Variants in TMEM232 observed in about 807,000 individuals in gnomAD.
TMEM232 encodes the protein transmembrane protein 232.
In TMEM232, 80 loss-of-function variants were observed where a neutral mutation model predicts 78.8. The ratio of observed to expected loss-of-function variants is 1.01; its 90% CI spans 0.85 to 1.22. TMEM232 has a LOEUF of 1.22. TMEM232 is among the 50% of genes most tolerant of loss of function. The probability of loss-of-function intolerance (pLI) is 0.00; values close to 1 mark genes in which losing one functional copy is unlikely to be tolerated. For missense variants in TMEM232, 881 were observed against 742.2 expected (o/e 1.19, Z -2.17); for synonymous variants, 297 against 254.3 (o/e 1.17, Z -1.60).
chr5:110,734,091 T>G (rs183449763), intron 2 of TMEM232, among the ~76,000 whole-genome samples: 1 of 152,354 alleles, frequency 6.6e-6, no homozygotes, highest in African/African-American at 2.4e-5. Context: ...AAAATTCAAT[T>G]AAAATTCTGC....
chr5:110,568,794 A>G (rs1237521672), intron 10 of TMEM232, among the ~76,000 whole-genome samples, 169 bp from the exon 11 acceptor site: 2 of 151,958 alleles, frequency 1.3e-5, no homozygotes, highest in Non-Finnish European at 2.9e-5. Flanking sequence ...TCTCCTTTAC[A>G]TTTAAAACAG....
chr5:110,735,819 C>G (rs1799104082), intron 1 of TMEM232, among the ~76,000 whole-genome samples: 1 of 152,138 alleles, frequency 6.6e-6, no homozygotes, highest in Non-Finnish European at 1.5e-5. Flanking sequence ...CAGCAATCAG[C>G]AAGAAATAAA....
At chr5:110,554,084 C>A (rs1352669598) in intron 11 of TMEM232, among the ~76,000 whole-genome samples, 1 of 152,108 alleles carries the variant, frequency 6.6e-6, no homozygotes, top group Non-Finnish European at 1.5e-5. Context: ...TACTGAGTGT[C>A]AACTTGATTG....
At chr5:110,631,499 A>C (rs1272403840) in intron 5 of TMEM232, among the ~76,000 whole-genome samples, 1 of 152,096 alleles carries the variant, frequency 6.6e-6, no homozygotes, top group Admixed American at 6.6e-5. Context: ...GTTCAGGCTC[A>C]TGCATAGGGA....
At chr5:110,496,648 A>G (rs1471170084) in intron 12 of TMEM232, among the ~76,000 whole-genome samples, 1 of 151,972 alleles carries the variant, frequency 6.6e-6, no homozygotes, top group Non-Finnish European at 1.5e-5. Context: ...TAACCAGGAT[A>G]CCTCTTTGTC....
At chr5:110,610,278 G>GAAGGAAGGAA (rs1554057579) in intron 8 of TMEM232, among the ~76,000 whole-genome samples, 1 of 146,006 alleles carries the variant, frequency 6.8e-6, no homozygotes, top group African/African-American at 2.6e-5. Context: ...AAGGTGGGTG[G>GAAGGAAGGAA]GTGAAGGGAG....
At chr5:110,695,997 C>CA (rs1483901345) in intron 1 of TMEM232, among the ~76,000 whole-genome samples, 2 of 151,840 alleles carry the variant, frequency 1.3e-5, no homozygotes, top group Non-Finnish European at 2.9e-5. Context: ...AGAGACAAAA[C>CA]AAAAAAAGAG....
In TMEM232 at chr5:110,527,361, A is replaced by G. The variant is rs138776638; in HGVS notation, c.1703+1227T>C. 3.9e-3 allele frequency among the ~76,000 whole-genome samples: 600 copies of G among 152,044 alleles called. 1 individual carries two copies. Among genetic ancestry groups the G allele is most frequent in the Middle Eastern group, 6.8e-3 (2 of 294 alleles). On this transcript the variant is annotated intron_variant, in intron 12 of 13. Transcript: ENST00000455884. ...TCTCATTTGTGGAGGCAAATACAAC[A>G]TATTTTCAAATATGGAGCAGGTATT...
At chr5:110,492,723 C>T (rs1765247335) in intron 12 of TMEM232, among the ~76,000 whole-genome samples, 2 of 151,896 alleles carry the variant, frequency 1.3e-5, no homozygotes, top group African/African-American at 4.8e-5. Context: ...TCTCATTAGT[C>T]ACAAATTTCA....
At chr5:110,706,278 A>T (rs1230214890) in intron 1 of TMEM232, among the ~76,000 whole-genome samples, 1 of 152,202 alleles carries the variant, frequency 6.6e-6, no homozygotes, top group Non-Finnish European at 1.5e-5. Context: ...GATTATTCAC[A>T]GACTACCAAA....
chr5:110,658,754 C>A (rs1446712152), intron 2 of TMEM232, among the ~76,000 whole-genome samples: 1 of 152,078 alleles, frequency 6.6e-6, no homozygotes, highest in Non-Finnish European at 1.5e-5. Context: ...GCATAGGCAA[C>A]AATACCCAAA....
At chr5:110,599,414 T>C (rs1404084381) in intron 10 of TMEM232, among the ~76,000 whole-genome samples, 1 of 152,104 alleles carries the variant, frequency 6.6e-6, no homozygotes, top group Non-Finnish European at 1.5e-5. Flanking sequence ...GTGTGCTGTA[T>C]TCACGAGACC....
chr5:110,438,177 G>T (rs1758636911), intron 12 of TMEM232, among the ~76,000 whole-genome samples: 1 of 127,308 alleles, frequency 7.9e-6, no homozygotes, highest in Non-Finnish European at 1.5e-5. Flanking sequence ...TGGGCATTCA[G>T]TATTTTGAGT....
chr5:110,500,913 T>TC (rs1766197598), intron 12 of TMEM232, among the ~76,000 whole-genome samples: 4 of 152,194 alleles, frequency 2.6e-5, no homozygotes, highest in African/African-American at 9.7e-5. Flanking sequence ...TATAAATAGT[T>TC]CTTCCACTAT....
intron 12 of TMEM232, among the ~76,000 whole-genome samples, chr5:110,427,460 T>G (rs765353867): frequency 2.6e-4 from 39 of 151,940 alleles, no homozygotes; most frequent in Admixed American, 1.1e-3. Context: ...TTGTCGGCAT[T>G]AAATGAGATG....
downstream of TMEM232, among the ~76,000 whole-genome samples, chr5:110,419,454 T>TCTTAA (rs1269270633): frequency 6.6e-6 from 1 of 152,146 alleles, no homozygotes; most frequent in Non-Finnish European, 1.5e-5. Context: ...GGATAAAACT[T>TCTTAA]CTTAACTTGA....
At chr5:110,721,667 G>GTATATATATATATATATATATATATTA (rs1277641654) in intron 1 of TMEM232, among the ~76,000 whole-genome samples, 1 of 10,424 alleles carries the variant, frequency 9.6e-5, no homozygotes, top group African/African-American at 1.6e-4. Flanking sequence ...GTGTGTGTGT[G>GTATATATATATATATATATATATATTA]TGTGTGTATA....
chr5:110,425,924 T>G (rs1757181989), intron 12 of TMEM232, among the ~76,000 whole-genome samples: 1 of 152,112 alleles, frequency 6.6e-6, no homozygotes. Context: ...AAGATTACAT[T>G]TGTTAAGGAA....
At chr5:110,443,692 C>T (rs1332379877) in intron 12 of TMEM232, among the ~76,000 whole-genome samples, 1 of 152,176 alleles carries the variant, frequency 6.6e-6, no homozygotes, top group Non-Finnish European at 1.5e-5. Context: ...TGGGAGTGTT[C>T]TGGGTCACAT....
Sources: gnomAD v4.1 joint callset for allele counts (sites outside exome capture counted in the v4.1 genomes callset) on GRCh38, gnomAD v4.1.1 for gene constraint, MANE v1.5 for transcripts, NCBI Gene and HGNC (gene_info 2026-07-23, HGNC 2026-07-21) for gene names.